Variants in CENPE observed in about 807,000 individuals in gnomAD.
CENPE encodes the protein centromere-associated protein E.
A neutral mutation model predicts 336.1 loss-of-function variants in CENPE; 145 were observed. The ratio of observed to expected loss-of-function variants is 0.43; its 90% CI spans 0.38 to 0.50. CENPE has a LOEUF of 0.50. Ranked by LOEUF, CENPE falls within the 20% of genes least tolerant of loss-of-function variation. CENPE has a pLI of 0.00. For missense variants in CENPE, 2,719 were observed against 3,023.3 expected (o/e 0.90, Z 2.36); for synonymous variants, 1,013 against 984.8 (o/e 1.03, Z -0.54).
At chr4:103,119,997 A>G in intron 44 of CENPE, 151 bp downstream of exon 44, 1 of 530,796 alleles carries the variant, frequency 1.9e-6, no homozygotes, top group Non-Finnish European at 3.3e-6. Context: ...TTCTAAGTTA[A>G]GCTGCTTCTG....
chr4:103,175,924 T>A, intron 15 of CENPE, 36 bp downstream of exon 15: 1 of 1,256,438 alleles, frequency 8.0e-7, no homozygotes. Context: ...TTAAAAAGAG[T>A]AAAAGCATTA....
intron 32 of CENPE, 33 bp downstream of exon 32, chr4:103,145,017 T>C: frequency 1.4e-6 from 2 of 1,380,306 alleles, no homozygotes; most frequent in South Asian, 3.1e-5. Context: ...TATTTCTGTA[T>C]CCAAAAAAAA....
At chr4:103,121,549 CTTTT>C (rs11454081) in intron 43 of CENPE, among the ~76,000 whole-genome samples, 4 of 135,906 alleles carry the variant, frequency 2.9e-5, no homozygotes, top group Admixed American at 1.5e-4. Context: ...TTCTTTCTTT[CTTTT>C]TTTTTTTTTT....
intron 44 of CENPE, among the ~76,000 whole-genome samples, chr4:103,118,576 T>A (rs925793097): frequency 5.9e-5 from 9 of 152,206 alleles, no homozygotes; most frequent in African/African-American, 1.9e-4. Context: ...GGATTGCACT[T>A]CTTGTATTAT....
intron 45 of CENPE, 196 bp downstream of exon 45, chr4:103,116,381 T>C: frequency 2.8e-6 from 1 of 362,004 alleles, no homozygotes; most frequent in Middle Eastern, 7.9e-4. Context: ...ATCAGAATTG[T>C]GTTTAGTTTT....
At position 103,191,607 on chromosome 4, in the gene CENPE, G is replaced by A. The variant is rs544599890; in HGVS notation, c.693+2622C>T. Among the ~76,000 whole-genome samples the A allele has an allele frequency of 2.9e-3, 423 of 147,352 alleles. 2 individuals are homozygous for A. The highest frequency in any genetic ancestry group is 5.3e-3 in the Non-Finnish European group (351 of 66,740). On this transcript the variant is annotated intron_variant, in intron 8 of 48. Coordinates refer to ENST00000265148, the MANE Select transcript of CENPE (RefSeq NM_001813.3). ...GGTTGGAACTGAACAATGAGAACAC[G>A]TGGACACAGGAAGGGGAACATCACA... is the stretch of plus-strand genomic sequence containing the variant.
intron 42 of CENPE, among the ~76,000 whole-genome samples, chr4:103,127,247 G>A (rs902453176): frequency 6.6e-6 from 1 of 151,930 alleles, no homozygotes; most frequent in Non-Finnish European, 1.5e-5. Context: ...CATACCTATA[G>A]GGGAGTGAAG....
intron 42 of CENPE, among the ~76,000 whole-genome samples, chr4:103,128,976 T>A (rs1478358404): frequency 6.6e-6 from 1 of 151,806 alleles, no homozygotes. Context: ...CTAGGCAAAC[T>A]AAGAAAAAGA....
rs56256243 is a variant in CENPE, at chr4:103,149,709, A to G, written c.3397-301T>C. On this transcript the variant is annotated intron_variant, in intron 26 of 48. Transcript: ENST00000265148. ...CTTCATTCCAATGAGTGTATTTATA[A>G]GAGACATAAAAGCACATAGAGAGGC... 0.19 allele frequency among the ~76,000 whole-genome samples: 28,719 copies of G among 152,122 alleles called. 2,819 individuals carry two copies. Among genetic ancestry groups the G allele is most frequent in the South Asian group, 0.31 (1,495 of 4,828 alleles).
At position 103,174,641 on chromosome 4, in the gene CENPE, TA is replaced by T. The variant is rs938588806; in HGVS notation, c.1647+94del. On this transcript the variant is annotated intron_variant, in intron 16 of 48. Transcript: ENST00000265148. ...ACACATAAAATGTTATCTGTACATT[TA>T]AAAAAAATTAAAAAAGCTTACATTA... 3.2e-4 allele frequency: 277 copies of T among 865,950 alleles called. 1 individual carries two copies. The highest frequency in any genetic ancestry group is 6.3e-4 in the Admixed American group (16 of 25,352). The allele number at this position is 865,950 out of a possible 1,614,324, so 53.6% of individuals were successfully genotyped here.
At chr4:103,113,648 A>C (rs1749806981) in intron 46 of CENPE, among the ~76,000 whole-genome samples, 1 of 145,020 alleles carries the variant, frequency 6.9e-6, no homozygotes, top group Admixed American at 7.1e-5. Flanking sequence ...TTATACACTT[A>C]TACTATATAT....
intron 16 of CENPE, among the ~76,000 whole-genome samples, chr4:103,173,187 G>A (rs547861035): frequency 2.4e-4 from 36 of 151,814 alleles, no homozygotes; most frequent in African/African-American, 7.7e-4. Context: ...CAGAGAACGC[G>A]GAAATAAATC....
At chr4:103,193,988 C>A (rs1043393741) in intron 8 of CENPE, among the ~76,000 whole-genome samples, 1 of 151,994 alleles carries the variant, frequency 6.6e-6, no homozygotes, top group Non-Finnish European at 1.5e-5. Flanking sequence ...AACCCTATAG[C>A]CCTGACATTT....
chr4:103,195,388 T>C (rs1476121642), intron 4 of CENPE, among the ~76,000 whole-genome samples, 155 bp from the exon 5 acceptor site: 1 of 151,972 alleles, frequency 6.6e-6, no homozygotes, highest in East Asian at 1.9e-4. Flanking sequence ...CACAAAAATA[T>C]AAAAGCATCG....
intron 9 of CENPE, 78 bp from the exon 10 acceptor site, chr4:103,183,366 G>T: frequency 8.5e-7 from 1 of 1,169,958 alleles, no homozygotes; most frequent in Non-Finnish European, 1.2e-6. Context: ...CTAAGTTAAT[G>T]AGAGAAATTA....
intron 25 of CENPE, 28 bp from the exon 26 acceptor site, chr4:103,151,405 A>G: frequency 1.3e-6 from 2 of 1,489,982 alleles, no homozygotes; most frequent in East Asian, 2.4e-5. Context: ...GTTGAGATTA[A>G]AGTAAATATT....
chr4:103,161,128 T>C lies in CENPE; in HGVS notation c.2089A>G (p.Ile697Val). ...TCTATAAGGGAGGTGAGTTTTGTTA[T>C]CTCATTAAAAGCAGATTGTAATTCT... ...EKELQSAFNEITKLTSLIDGK... is the reference protein window; with the variant it reads ...EKELQSAFNEVTKLTSLIDGK... Residue 697 changes from isoleucine to valine, a missense_variant, in exon 20 of 49, where the codon ATA becomes GTA. Coordinates refer to ENST00000265148, the MANE Select transcript of CENPE (RefSeq NM_001813.3). The C allele has an allele frequency of 6.2e-7, 1 of 1,607,850 alleles. No individual in the cohort carries two copies. The highest frequency in any genetic ancestry group is 8.5e-7 in the Non-Finnish European group (1 of 1,177,790).
chr4:103,128,701 C>T (rs939569081), intron 42 of CENPE, among the ~76,000 whole-genome samples: 3 of 152,050 alleles, frequency 2.0e-5, no homozygotes, highest in Admixed American at 6.6e-5. Context: ...TATGACTTAT[C>T]AGTATCTGTG....
chr4:103,140,037 T>C lies in CENPE; in HGVS notation c.5956A>G (p.Lys1986Glu), dbSNP rs1187036248. 7 of 1,611,924 alleles carry C rather than the reference T, an allele frequency of 4.3e-6. No homozygotes were observed. Among genetic ancestry groups the C allele is most frequent in the South Asian group, 1.1e-5 (1 of 90,854 alleles). ...TTATGACTCATATTGACATCTTCTT[T>C]CACTCTAAGCAGTTGAAGTTCTTTT... ...QKKELQLLRV[K>E]EDVNMSHKKI... The change falls in exon 38 of 49, where the codon AAA becomes GAA. Residue 1986 changes from lysine to glutamate, a missense_variant. Around this residue, in one of 5 missense-constraint regions of CENPE, gnomAD observed 2,437 missense variants for 2,513.3 expected, o/e 0.97. Transcript: ENST00000265148.
Sources: gnomAD v4.1 joint callset for allele counts (sites outside exome capture counted in the v4.1 genomes callset) on GRCh38, gnomAD v4.1.1 for gene constraint, gnomAD v4.1.1 regional missense constraint, MANE v1.5 for transcripts, NCBI Gene and HGNC (gene_info 2026-07-23, HGNC 2026-07-21) for gene names.